PGS1: variants seen among roughly 807,000 people sequenced by gnomAD.
PGS1 encodes phosphatidylglycerophosphate synthase 1.
In PGS1, 44 loss-of-function variants were observed where a neutral mutation model predicts 58.3. The ratio of observed to expected loss-of-function variants is 0.75; its 90% CI spans 0.59 to 0.97. PGS1 has a LOEUF of 0.97. Ranked by LOEUF, PGS1 falls within the 50% of genes least tolerant of loss-of-function variation. The pLI is 0.00. For synonymous variants in PGS1, 330 were observed against 311.0 expected, an observed-to-expected ratio of 1.06 and a Z score of -0.64; for missense variants, 684 against 731.1, an observed-to-expected ratio of 0.94 and a Z score of 0.74.
At chr17:78,412,962 G>A (rs1159899121) in intron 7 of PGS1, among the ~76,000 whole-genome samples, 1 of 152,186 alleles carries the variant, frequency 6.6e-6, no homozygotes, top group Non-Finnish European at 1.5e-5. Context: ...GTGGGAGGGG[G>A]GCTCTGTGTA....
intron 1 of PGS1, among the ~76,000 whole-genome samples, chr17:78,379,616 A>G (rs914071596): frequency 2.6e-5 from 4 of 152,060 alleles, no homozygotes; most frequent in Non-Finnish European, 5.9e-5. Context: ...ACCTGAGGTC[A>G]GGAGTTTAAG....
intron 7 of PGS1, among the ~76,000 whole-genome samples, chr17:78,411,059 C>A (rs1048503582): frequency 6.6e-6 from 1 of 152,150 alleles, no homozygotes; most frequent in African/African-American, 2.4e-5. Flanking sequence ...GGATCTGTTA[C>A]AAGGGGGCTC....
chr17:78,387,977 C>CT (rs1050954285), intron 1 of PGS1, among the ~76,000 whole-genome samples: 1 of 152,202 alleles, frequency 6.6e-6, no homozygotes, highest in Non-Finnish European at 1.5e-5. Context: ...GTGTAAAACA[C>CT]TCAGCTCCTT....
Position 78,423,774 on chromosome 17 carries a change from A to ACAAAG in PGS1, c.*11-284_*11-280dup, listed in dbSNP as rs2086200253. On this transcript the variant is annotated intron_variant, in intron 9 of 9. Coordinates refer to ENST00000262764, the MANE Select transcript of PGS1 (RefSeq NM_024419.5). The stretch of plus-strand genomic sequence containing the variant: ...CCCTCTGGTTCCGATGTGCTTGGTT[A>ACAAAG]CAAAGCACCTGATTATTTAAGAGAA... The ACAAAG allele has an allele frequency of 1.1e-5, 13 of 1,235,530 alleles. 1 individual carries two copies. In the East Asian group the frequency reaches 1.4e-4, roughly 13 times the overall value. The allele number at this position is 1,235,530 out of a possible 1,614,324, so 76.5% of individuals were successfully genotyped here.
chr17:78,412,224 G>A (rs565862397), intron 7 of PGS1, among the ~76,000 whole-genome samples: 15 of 152,162 alleles, frequency 9.9e-5, no homozygotes, highest in African/African-American at 3.4e-4. Flanking sequence ...TCTACTTAGG[G>A]CTCCCCAGAG....
Position 78,398,248 on chromosome 17 carries a change from G to A in PGS1, c.412-4G>A, listed in dbSNP as rs750887574. 6.2e-7 allele frequency: 1 copy of A among 1,602,124 alleles called. No homozygotes were observed. The highest frequency in any genetic ancestry group is 1.7e-5 in the Admixed American group (1 of 60,006). On this transcript the variant is annotated splice_polypyrimidine_tract_variant and splice_region_variant and intron_variant, in intron 3 of 9. Transcript: ENST00000262764. The stretch of plus-strand genomic sequence containing the variant: ...ATCTTCTTTTCTGTGTTCTTTCTTG[G>A]TAGGTGGACTGCCTGGAAAGTACTC...
At position 78,415,619 on chromosome 17, in the gene PGS1, C is replaced by T. The variant is rs372096925; in HGVS notation, c.1551+592C>T. ...TGCACTCCAGCCTGGGCAACAAGAG[C>T]GAAACTCTGTCTCAAAAAATAAAAG... is the stretch of plus-strand genomic sequence containing the variant. On this transcript the variant is annotated intron_variant, in intron 8 of 9. Transcript: ENST00000262764. Among the ~76,000 whole-genome samples, 23 of 152,296 alleles carry T rather than the reference C, an allele frequency of 1.5e-4. No individual in the cohort carries two copies. In the East Asian group the frequency reaches 3.3e-3, roughly 22 times the overall value.
At chr17:78,423,114 AAAAAAT>A (rs2086063145) in intron 9 of PGS1, among the ~76,000 whole-genome samples, 2 of 147,362 alleles carry the variant, frequency 1.4e-5, no homozygotes, top group South Asian at 2.2e-4. Flanking sequence ...CGAAAAAAAA[AAAAAAT>A]GTTGATCCTG....
chr17:78,387,043 C>T lies in PGS1; in HGVS notation c.144-5433C>T, dbSNP rs115913338. Among the ~76,000 whole-genome samples the T allele has an allele frequency of 4.2e-3, 634 of 152,218 alleles. 5 individuals are homozygous for T. Among genetic ancestry groups the T allele is most frequent in the African/African-American group, 0.015 (608 of 41,514 alleles). ...TTAGCATTTTTGAGACACAGTCTCT[C>T]TCCATCACGCAGCCTGGAGTGCAGT... On this transcript the variant is annotated intron_variant, in intron 1 of 9. Transcript: ENST00000262764.
Position 78,392,602 on chromosome 17 carries a change from T to C in PGS1, c.270T>C (p.Phe90=). 6.2e-7 allele frequency: 1 copy of C among 1,614,238 alleles called. No individual in the cohort carries two copies. Residue 90 remains phenylalanine, a synonymous_variant, in exon 2 of 10, where the codon TTT becomes TTC. Transcript: ENST00000262764. ...GGATCAGAAACCTGGTTCCAGAATT[T>C]GGAGTCTCCAGTTCTCACGTTAGGG... ...FQWIRNLVPE[F]GVSSSHVRVL...
intron 4 of PGS1, 85 bp from the exon 5 acceptor site, chr17:78,399,263 C>A (rs1272727187): frequency 1.1e-5 from 12 of 1,062,198 alleles, no homozygotes; most frequent in African/African-American, 1.6e-5. Context: ...CAGGTGAAGG[C>A]GAGGCCACGT....
At position 78,399,469 on chromosome 17, in the gene PGS1, C is replaced by T; in HGVS notation, c.633C>T (p.Arg211=). 2 of 1,614,220 alleles carry T rather than the reference C, an allele frequency of 1.2e-6. No individual in the cohort carries two copies. The highest frequency in any genetic ancestry group is 1.1e-5 in the South Asian group (1 of 91,086). Residue 211 remains arginine (R), a synonymous_variant, in exon 5 of 10, where the codon CGC becomes CGT. Transcript: ENST00000262764. ...TGCTTCGGCTCCTCATCCCTGAGCG[C>T]TTCAACGAGACCATCGGCCTCCAGC... ...RGLLRLLIPE[R]FNETIGLQHI...
chr17:78,411,001 G>A (rs575456959), intron 7 of PGS1, among the ~76,000 whole-genome samples: 15 of 152,252 alleles, frequency 9.9e-5, no homozygotes, highest in Middle Eastern at 3.4e-3. Context: ...TACAAATATC[G>A]GAACGAGCTA....
chr17:78,390,458 G>A (rs757131152), intron 1 of PGS1, among the ~76,000 whole-genome samples: 10 of 152,200 alleles, frequency 6.6e-5, no homozygotes, highest in Admixed American at 1.3e-4. Context: ...GTGACAGACC[G>A]GTGGGCTTTC....
intron 8 of PGS1, among the ~76,000 whole-genome samples, chr17:78,416,330 G>C (rs1303119093): frequency 2.0e-5 from 3 of 152,256 alleles, no homozygotes; most frequent in African/African-American, 7.2e-5. Context: ...TGAGCCTGCA[G>C]CTTTCAACAG....
chr17:78,387,917 C>T (rs1226931620), intron 1 of PGS1, among the ~76,000 whole-genome samples: 3 of 152,148 alleles, frequency 2.0e-5, no homozygotes, highest in African/African-American at 4.8e-5. Context: ...TTTTGAGTGA[C>T]ACTAGTCCAG....
intron 7 of PGS1, among the ~76,000 whole-genome samples, chr17:78,406,817 C>T (rs1048884292): frequency 9.9e-5 from 15 of 152,242 alleles, no homozygotes; most frequent in South Asian, 4.1e-4. Flanking sequence ...GGCTAGGCGT[C>T]GCTCTCCTCA....
At chr17:78,398,414 G>T (rs1462380045) in intron 4 of PGS1, 63 bp downstream of exon 4, 10 of 1,107,604 alleles carry the variant, frequency 9.0e-6, no homozygotes, top group Non-Finnish European at 8.3e-6. Flanking sequence ...CCCAAGAGGG[G>T]TTACTGTCAC....
chr17:78,419,785 C>G, intron 9 of PGS1, 110 bp downstream of exon 9: 1 of 1,548,372 alleles, frequency 6.5e-7, no homozygotes. Context: ...TGATCCCTTT[C>G]TCAGTTAAAC....
Sources: allele counts gnomAD v4.1 joint callset (sites outside exome capture counted in the v4.1 genomes callset), GRCh38; gene constraint gnomAD v4.1.1; transcripts MANE v1.5; gene names NCBI Gene and HGNC (gene_info 2026-07-23, HGNC 2026-07-21).